ADARB1: variants seen among roughly 807,000 people sequenced by gnomAD.
ADARB1 encodes the protein adenosine deaminase RNA specific B1, also known as double-stranded RNA-specific editase 1.
In ADARB1, 10 loss-of-function variants were observed where a neutral mutation model predicts 52.4. The ratio of observed to expected loss-of-function variants is 0.19; its 90% CI spans 0.12 to 0.32. The LOEUF (loss-of-function observed/expected upper bound fraction) is 0.32. Ranked by LOEUF, ADARB1 falls within the 10% of genes least tolerant of loss-of-function variation. The pLI is 1.00. For missense variants in ADARB1, 643 were observed against 922.3 expected (o/e 0.70, Z 3.92); for synonymous variants, 349 against 371.1 (o/e 0.94, Z 0.68).
At chr21:45,165,826 CTT>C (rs78447153) in intron 2 of ADARB1, among the ~76,000 whole-genome samples, 14 of 139,656 alleles carry the variant, frequency 1.0e-4, no homozygotes, top group Admixed American at 1.4e-4. Flanking sequence ...AATACCGTTT[CTT>C]TTTTTTTTTT....
At chr21:45,198,935 A>T (rs1417026734) in intron 8 of ADARB1, among the ~76,000 whole-genome samples, 1 of 152,240 alleles carries the variant, frequency 6.6e-6, no homozygotes, top group East Asian at 1.9e-4. Flanking sequence ...CATAGTACTT[A>T]AAAGTTGAAT....
rs1368250333 is a variant in ADARB1 at position 45,143,924 on chromosome 21, AC to A, written c.-48+15356del. Among the ~76,000 whole-genome samples, 4 of 151,302 alleles carry A rather than the reference AC, an allele frequency of 2.6e-5. No individual in the cohort carries two copies. In the East Asian group the frequency reaches 7.7e-4, roughly 29 times the overall value. On this transcript the variant is annotated intron_variant, in intron 2 of 10. Transcript: ENST00000348831. ...ACTTGACGGCAGTTCATCTTTTATG[AC>A]CCCCATTGTCCCCATTGTCAGTTGT...
intron 4 of ADARB1, among the ~76,000 whole-genome samples, chr21:45,178,242 G>A (rs1170157245): frequency 6.6e-6 from 1 of 152,248 alleles, no homozygotes; most frequent in Non-Finnish European, 1.5e-5. Flanking sequence ...TGCGCCTGCA[G>A]TGACTTCTGT....
At chr21:45,205,412 G>T (rs1410282838) in intron 9 of ADARB1, among the ~76,000 whole-genome samples, 1 of 152,222 alleles carries the variant, frequency 6.6e-6, no homozygotes, top group Non-Finnish European at 1.5e-5. Flanking sequence ...AATTATGTCA[G>T]CATTGGCTTT....
intron 1 of ADARB1, among the ~76,000 whole-genome samples, chr21:45,097,633 G>T (rs1489698569): frequency 1.3e-5 from 2 of 152,096 alleles, no homozygotes; most frequent in Non-Finnish European, 2.9e-5. Flanking sequence ...ATGCCTGGGT[G>T]CTGGCCATGT....
intron 7 of ADARB1, chr21:45,184,508 G>A (rs1270872310): frequency 3.1e-6 from 1 of 317,924 alleles, no homozygotes; most frequent in South Asian, 2.5e-5. Context: ...GAGTGCAGTG[G>A]TGCAATCATG....
At position 45,176,725 on chromosome 21, in the gene ADARB1, C is replaced by T. The variant is rs922584185; in HGVS notation, c.963+61C>T. The stretch of plus-strand genomic sequence containing the variant: ...CATTGCTCTTGGTAATGCTTCTAGA[C>T]AGCATTTTAGTTTCAGGATTACTGT... On this transcript the variant is annotated intron_variant, in intron 4 of 10. Coordinates refer to ENST00000348831, the MANE Select transcript of ADARB1 (RefSeq NM_001112.4). This position sits in a 1 kb window ranked among gnomAD's most constrained non-coding sequence, Gnocchi z 5.8. The T allele has an allele frequency of 1.4e-6, 2 of 1,476,672 alleles. No individual in the cohort carries two copies. Among genetic ancestry groups the T allele is most frequent in the Non-Finnish European group, 1.8e-6 (2 of 1,094,664 alleles). 91.5% of individuals were successfully genotyped at this position (1,476,672 alleles called of 1,614,324 possible). A position where few individuals can be genotyped will look rare whatever the true frequency, so the allele number is the denominator to read the frequency against.
intron 8 of ADARB1, among the ~76,000 whole-genome samples, chr21:45,192,492 G>C (rs1335468124): frequency 2.0e-5 from 3 of 152,220 alleles, no homozygotes; most frequent in African/African-American, 7.2e-5. Context: ...TGCAGTGCTA[G>C]TTCTGGCATA....
chr21:45,156,699 G>A lies in ADARB1; in HGVS notation c.-47-14911G>A, dbSNP rs116428086. Among the ~76,000 whole-genome samples the A allele has an allele frequency of 2.1e-3, 320 of 152,054 alleles. 3 individuals carry two copies. Among genetic ancestry groups the A allele is most frequent in the African/African-American group, 7.3e-3 (303 of 41,454 alleles). ...CGCACCCACTTCTCTACATTGTTCC[G>A]TTCATCCAACAAGTACTCATTACAC... On this transcript the variant is annotated intron_variant, in intron 2 of 10. Transcript: ENST00000348831.
At chr21:45,171,467 C>T in intron 2 of ADARB1, 143 bp from the exon 3 acceptor site, 1 of 611,476 alleles carries the variant, frequency 1.6e-6, no homozygotes, top group South Asian at 2.1e-5. Context: ...GCAGATCTGA[C>T]TTCTCTAACA....
chr21:45,163,106 A>G (rs564100422), intron 2 of ADARB1, among the ~76,000 whole-genome samples: 1 of 152,366 alleles, frequency 6.6e-6, no homozygotes, highest in African/African-American at 2.4e-5. Flanking sequence ...GAGGATGCTA[A>G]TAGCTGCCTG....
At chr21:45,170,489 A>G (rs1209465580) in intron 2 of ADARB1, among the ~76,000 whole-genome samples, 2 of 152,184 alleles carry the variant, frequency 1.3e-5, no homozygotes, top group Non-Finnish European at 2.9e-5. Flanking sequence ...GATTCTAAAG[A>G]GAAACTCATT....
At chr21:45,119,157 G>A (rs868642326) in intron 1 of ADARB1, among the ~76,000 whole-genome samples, 6 of 152,116 alleles carry the variant, frequency 3.9e-5, no homozygotes, top group East Asian at 1.9e-4. Context: ...TAGTGTGATC[G>A]TGGCTCACTG....
intron 1 of ADARB1, among the ~76,000 whole-genome samples, chr21:45,101,915 T>G (rs1222089082): frequency 6.6e-6 from 1 of 152,166 alleles, no homozygotes; most frequent in African/African-American, 2.4e-5. Flanking sequence ...TGGGACAGGG[T>G]CTCACTCTGT....
intron 8 of ADARB1, among the ~76,000 whole-genome samples, chr21:45,189,374 CT>C (rs1324019336): frequency 6.6e-6 from 1 of 152,212 alleles, no homozygotes; most frequent in Non-Finnish European, 1.5e-5. Flanking sequence ...ACTTCCACCC[CT>C]TCACACTTTG....
At chr21:45,201,098 T>TGG (rs1025336912) in intron 8 of ADARB1, among the ~76,000 whole-genome samples, 1 of 152,196 alleles carries the variant, frequency 6.6e-6, no homozygotes, top group African/African-American at 2.4e-5. Context: ...GCACCTCCCA[T>TGG]GGGGTCCGCA....
intron 8 of ADARB1, among the ~76,000 whole-genome samples, chr21:45,202,727 G>A (rs997631437): frequency 2.0e-5 from 3 of 151,566 alleles, no homozygotes; most frequent in Non-Finnish European, 2.9e-5. Context: ...CCCCTGCAGC[G>A]TGTGCTGAGC....
intron 8 of ADARB1, among the ~76,000 whole-genome samples, chr21:45,197,563 G>C (rs1015026212): frequency 2.6e-5 from 4 of 152,066 alleles, no homozygotes; most frequent in Non-Finnish European, 5.9e-5. Flanking sequence ...ACTCCTAGTG[G>C]TTTACCAAAG....
At chr21:45,124,798 T>C (rs1293451480) in intron 1 of ADARB1, among the ~76,000 whole-genome samples, 1 of 151,014 alleles carries the variant, frequency 6.6e-6, no homozygotes, top group Non-Finnish European at 1.5e-5. Flanking sequence ...TGTGTGTGTG[T>C]GTGTGTGTGT....
Sources: gnomAD v4.1 joint callset for allele counts (sites outside exome capture counted in the v4.1 genomes callset) on GRCh38, gnomAD v4.1.1 for gene constraint, Gnocchi (gnomAD v3.1) non-coding constraint, MANE v1.5 for transcripts, NCBI Gene and HGNC (gene_info 2026-07-23, HGNC 2026-07-21) for gene names.